Variants in MIB2 observed in about 807,000 individuals in gnomAD.
The protein encoded by MIB2 is E3 ubiquitin-protein ligase MIB2.
MIB2 carries 78 observed loss-of-function variants against 96.6 expected under a neutral mutation model. That is an observed-to-expected ratio of 0.81 (90% CI 0.67 to 0.97). MIB2 has a LOEUF of 0.97. Ranked by LOEUF, MIB2 falls within the 50% of genes least tolerant of loss-of-function variation. MIB2 has a pLI of 0.00. For synonymous variants in MIB2, 820 were observed against 629.5 expected (o/e 1.30, Z -4.53); for missense variants, 1,543 against 1,424.0 (o/e 1.08, Z -1.35).
intron 12 of MIB2, 80 bp from the exon 13 acceptor site, chr1:1,627,593 G>T: frequency 6.6e-7 from 1 of 1,513,738 alleles, no homozygotes; most frequent in East Asian, 2.4e-5. Context: ...TGCGTCCTGG[G>T]GTCGGGCCTG....
intron 2 of MIB2, among the ~76,000 whole-genome samples, chr1:1,622,313 C>T (rs144853041): frequency 7.3e-4 from 111 of 152,382 alleles, no homozygotes; most frequent in African/African-American, 2.5e-3. Flanking sequence ...CCAGCTGTAG[C>T]CTCCACCTTC....
At position 1,625,658 on chromosome 1, in the gene MIB2, C is replaced by CGG; in HGVS notation, c.972+11_972+12dup. On this transcript the variant is annotated splice_donor_region_variant and intron_variant, in intron 8 of 19. Coordinates refer to ENST00000355826, the MANE Select transcript of MIB2 (RefSeq NM_001170687.4). The surrounding 1 kb of genome is among the most constrained non-coding windows in gnomAD (Gnocchi z 5.0). ...CACCCCGGGGCGCTCACCAAGGTGCCGGGGGGGCTGGGCTGCGCCTCATCT... is the reference window on the plus strand; with the variant it reads ...CACCCCGGGGCGCTCACCAAGGTGCCGGGGGGGGGCTGGGCTGCGCCTCATCT... 6.4e-7 allele frequency: 1 copy of CGG among 1,551,606 alleles called. No homozygotes were observed. Among genetic ancestry groups the CGG allele is most frequent in the Non-Finnish European group, 8.7e-7 (1 of 1,147,008 alleles).
intron 10 of MIB2, 31 bp downstream of exon 10, chr1:1,627,030 G>A (rs778340867): frequency 3.1e-6 from 5 of 1,606,190 alleles, no homozygotes; most frequent in South Asian, 1.1e-5. Context: ...CCAGTGGGAG[G>A]TGGGGCTGCC....
In MIB2 at chr1:1,630,338, C is replaced by T. The variant is rs1415664391; in HGVS notation, c.2676C>T (p.Arg892=). 3.3e-6 allele frequency: 5 copies of T among 1,535,030 alleles called. No individual in the cohort carries two copies. The highest frequency in any genetic ancestry group is 4.4e-6 in the Non-Finnish European group (5 of 1,143,458). ...CCGCCCCCGCCCCCGGCCCGCCGCG[C>T]CAGCTGGTGGAGGAGCTGCAGAGCC... The part of the protein sequence containing the change: ...ASAAPAPGPP[R]QLVEELQSRY... Residue 892 remains arginine (R), a synonymous_variant, in exon 20 of 20, where the codon CGC becomes CGT. Coordinates refer to ENST00000355826, the MANE Select transcript of MIB2 (RefSeq NM_001170687.4).
chr1:1,627,338 G>T lies in MIB2; in HGVS notation c.1417G>T (p.Ala473Ser), dbSNP rs553402367. The change falls in exon 12 of 20, where the codon GCC (alanine) becomes TCC (serine). Residue 473 changes from alanine (A) to serine (S), a missense_variant. Coordinates refer to ENST00000355826, the MANE Select transcript of MIB2 (RefSeq NM_001170687.4). The stretch of plus-strand genomic sequence containing the variant: ...AGGCAGGACCGCTCTGCAAGTGGCT[G>T]CCTACCTGGGCCAGGTGGAGTTGAT... ...NQGRTALQVAAYLGQVELIRL... is the reference protein window; with the variant it reads ...NQGRTALQVASYLGQVELIRL... 4 of 1,613,170 alleles carry T rather than the reference G, an allele frequency of 2.5e-6. No individual in the cohort carries two copies. In the Admixed American group the frequency reaches 6.7e-5, roughly 27 times the overall value.
intron 2 of MIB2, among the ~76,000 whole-genome samples, chr1:1,619,842 C>T (rs532158601): frequency 6.6e-6 from 1 of 152,194 alleles, no homozygotes; most frequent in Non-Finnish European, 1.5e-5. Context: ...GGTGGGCTTC[C>T]ATGAGGGACA....
In MIB2 at chr1:1,626,780, C is replaced by T. The variant is rs770541510; in HGVS notation, c.1077+26C>T. The T allele has an allele frequency of 1.3e-6, 2 of 1,579,704 alleles. No individual in the cohort carries two copies. Among genetic ancestry groups the T allele is most frequent in the South Asian group, 1.1e-5 (1 of 88,536 alleles). On this transcript the variant is annotated intron_variant, in intron 9 of 19. Coordinates refer to ENST00000355826, the MANE Select transcript of MIB2 (RefSeq NM_001170687.4). This position sits in a 1 kb window ranked among gnomAD's most constrained non-coding sequence, Gnocchi z 5.3. ...GTGAGTCCCCCTGCCACCCCCGCCG[C>T]TAGCGCCGCTGCCCCCCACACCTGC...
rs1360654301 is a variant in MIB2 at position 1,626,293 on chromosome 1, C to T, written c.973-357C>T. The T allele has an allele frequency of 2.9e-6, 1 of 345,372 alleles. No homozygotes were observed. Among genetic ancestry groups the T allele is most frequent in the African/African-American group, 2.1e-5 (1 of 47,418 alleles). 21.4% of individuals were successfully genotyped at this position (345,372 alleles called of 1,614,324 possible). ...GGCAGAGTGGGCCCGTCCTGCACCC[C>T]ATGGTCCTGGGGCCCCACCCCCACG... is the stretch of plus-strand genomic sequence containing the variant. On this transcript the variant is annotated intron_variant, in intron 8 of 19. Coordinates refer to ENST00000355826, the MANE Select transcript of MIB2 (RefSeq NM_001170687.4). The surrounding 1 kb of genome is among the most constrained non-coding windows in gnomAD (Gnocchi z 5.3).
chr1:1,629,706 TG>T lies in MIB2; in HGVS notation c.2629+5del. The T allele has an allele frequency of 1.3e-6, 2 of 1,589,732 alleles. No individual in the cohort carries two copies. Among genetic ancestry groups the T allele is most frequent in the Non-Finnish European group, 8.6e-7 (1 of 1,168,752 alleles). ...TCGTCAGCAAGAAACTGCGCCCAGG[TG>T]GGTGAGGCTCTGCGCCCCCAACACG... On this transcript the variant is annotated splice_donor_region_variant and intron_variant, in intron 19 of 19. Coordinates refer to ENST00000355826, the MANE Select transcript of MIB2 (RefSeq NM_001170687.4).
At chr1:1,629,881 A>G (rs1382396033) in intron 19 of MIB2, among the ~76,000 whole-genome samples, 177 bp downstream of exon 19, 5 of 68,968 alleles carry the variant, frequency 7.2e-5, no homozygotes, top group African/African-American at 2.8e-4. Flanking sequence ...CGCCTGCTCC[A>G]GATCACACCC....
In MIB2 at chr1:1,616,670, G is replaced by A. The variant is rs533421711; in HGVS notation, c.-23+56G>A. 8 of 1,424,574 alleles carry A rather than the reference G, an allele frequency of 5.6e-6. No homozygotes were observed. The East Asian group carries it at 1.6e-4, about 28-fold the overall frequency. 88.2% of individuals were successfully genotyped at this position (1,424,574 alleles called of 1,614,324 possible). A position where few individuals can be genotyped will look rare whatever the true frequency, so the allele number is the denominator to read the frequency against. Reference sequence around the variant, plus strand: ...TTTGCACTTGGCTCTCCCACTTTGGGGCTCCGTGGAAGCCACGTCAGAGAG... The same window carrying A: ...TTTGCACTTGGCTCTCCCACTTTGGAGCTCCGTGGAAGCCACGTCAGAGAG... On this transcript the variant is annotated intron_variant, in intron 2 of 19. Transcript: ENST00000355826.
chr1:1,629,163 G>C lies in MIB2; in HGVS notation c.2233G>C (p.Glu745Gln), dbSNP rs757205242. 76 of 1,503,540 alleles carry C rather than the reference G, an allele frequency of 5.1e-5. No homozygotes were observed. The African/African-American group carries it at 7.8e-4, about 16-fold the overall frequency. 93.1% of individuals were successfully genotyped at this position (1,503,540 alleles called of 1,614,324 possible). ...LQASGLPGSA[E>Q]LTVGAAVACF... ...GGCCTCGGGCCTCCCCGGCAGCGCG[G>C]AGCTGACGGTGGGCGCGGCGGTCGC... The change falls in exon 17 of 20, where the codon GAG (glutamate) becomes CAG (glutamine). Residue 745 changes from glutamate (E) to glutamine (Q), a missense_variant. By Grantham distance (29) the Glu-to-Gln change is conservative. Transcript: ENST00000355826.
rs759605108 is a variant in MIB2, at chr1:1,627,758, G to A, written c.1609G>A (p.Val537Met). The A allele has an allele frequency of 4.4e-6, 7 of 1,597,424 alleles. No homozygotes were observed. Among genetic ancestry groups the A allele is most frequent in the East Asian group, 2.2e-5 (1 of 44,810 alleles). Residue 537 changes from valine (V) to methionine (M), a missense_variant, in exon 13 of 20, where the codon GTG becomes ATG. Coordinates refer to ENST00000355826, the MANE Select transcript of MIB2 (RefSeq NM_001170687.4). ...CAGCACCCAGAGCACAGCACTGCACGTGGCCGTGCAGAGGGGCTTCCTGGA... is the reference window on the plus strand; with the variant it reads ...CAGCACCCAGAGCACAGCACTGCACATGGCCGTGCAGAGGGGCTTCCTGGA... ...INSTQSTALH[V>M]AVQRGFLEVV...
In MIB2 at chr1:1,626,849, G is replaced by A. The variant is rs766329475; in HGVS notation, c.1090G>A (p.Val364Ile). The A allele has an allele frequency of 1.2e-5, 20 of 1,602,502 alleles. No homozygotes were observed. Among genetic ancestry groups the A allele is most frequent in the African/African-American group, 9.3e-5 (7 of 74,886 alleles). The part of the protein sequence containing the change: ...TDDMAPALGR[V>I]GKVVKVFGDG... ...CCCCTCCCCGCAGGCCCTGGGCCGC[G>A]TCGGGAAGGTGGTGAAAGTGTTTGG... The change falls in exon 10 of 20, where the codon GTC (valine) becomes ATC (isoleucine). Residue 364 changes from valine to isoleucine, a missense_variant. Val to Ile is a conservative substitution (Grantham distance 29). Coordinates refer to ENST00000355826, the MANE Select transcript of MIB2 (RefSeq NM_001170687.4). This position sits in a 1 kb window ranked among gnomAD's most constrained non-coding sequence, Gnocchi z 5.3.
upstream of MIB2, chr1:1,615,379 C>G: frequency 7.0e-7 from 1 of 1,429,346 alleles, no homozygotes; most frequent in South Asian, 1.5e-5. Flanking sequence ...AGCTGCGCCA[C>G]GCAGGGTAGG....
At chr1:1,623,043 C>T (rs1215737803) in intron 2 of MIB2, 4 of 345,696 alleles carry the variant, frequency 1.2e-5, no homozygotes. Flanking sequence ...ATGTGAGTGT[C>T]TCGGGGGACG....
chr1:1,626,085 AG>A lies in MIB2; in HGVS notation c.972+437del. On this transcript the variant is annotated intron_variant, in intron 8 of 19. Transcript: ENST00000355826. The surrounding 1 kb of genome is among the most constrained non-coding windows in gnomAD (Gnocchi z 5.3). The stretch of plus-strand genomic sequence containing the variant: ...CTGCCTGGGAAGCAGGATGGCAGGG[AG>A]GGGGCTGGAGGTGGTGGCGGTGGCA... The A allele has an allele frequency of 9.0e-6, 1 of 111,378 alleles. No homozygotes were observed. The allele number at this position is 111,378 out of a possible 1,614,324, so 6.9% of individuals were successfully genotyped here. A position where few individuals can be genotyped will look rare whatever the true frequency, so the allele number is the denominator to read the frequency against.
chr1:1,615,340 G>A (rs1054862198), upstream of MIB2: 9 of 1,394,080 alleles, frequency 6.5e-6, no homozygotes, highest in Non-Finnish European at 8.3e-6. Flanking sequence ...CACTGCGCAG[G>A]CGCCCGGAGG....
Position 1,627,663 on chromosome 1 carries a change from CTCCTG to C in MIB2, c.1524-7_1524-3del, listed in dbSNP as rs752534555. On this transcript the variant is annotated splice_polypyrimidine_tract_variant and splice_region_variant and intron_variant, in intron 12 of 19. Transcript: ENST00000355826. ...CGGCGCCCTCCCTCTCCCACTTCCT[CTCCTG>C]TCAGGAACCAGCCCGAGGCCACCAG... The C allele has an allele frequency of 5.3e-4, 844 of 1,590,292 alleles. No homozygotes were observed. Among genetic ancestry groups the C allele is most frequent in the Non-Finnish European group, 6.9e-4 (807 of 1,176,496 alleles).
Sources: gnomAD v4.1 joint callset for allele counts (sites outside exome capture counted in the v4.1 genomes callset) on GRCh38, gnomAD v4.1.1 for gene constraint, Gnocchi (gnomAD v3.1) non-coding constraint, MANE v1.5 for transcripts, NCBI Gene and HGNC (gene_info 2026-07-23, HGNC 2026-07-21) for gene names.